The following COL6A6 variants were observed in gnomAD, a reference collection of about 807,000 sequenced individuals.
The protein encoded by COL6A6 is collagen alpha-6(VI) chain.
In COL6A6, 183 loss-of-function variants were observed where a neutral mutation model predicts 208.6. The ratio of observed to expected loss-of-function variants is 0.88; its 90% CI spans 0.78 to 0.99. The LOEUF (loss-of-function observed/expected upper bound fraction) is 0.99, where lower values mean the gene tolerates loss of function less well. Ranked by LOEUF, COL6A6 falls within the 50% of genes least tolerant of loss-of-function variation. The probability of loss-of-function intolerance (pLI) is 0.00; values close to 1 mark genes in which losing one functional copy is unlikely to be tolerated. For missense variants in COL6A6, 2,816 were observed against 2,815.2 expected (o/e 1.00, Z -0.01); for synonymous variants, 973 against 1,011.8 (o/e 0.96, Z 0.73).
chr3:130,664,566 G>A (rs1326448884), intron 35 of COL6A6, among the ~76,000 whole-genome samples: 2 of 152,144 alleles, frequency 1.3e-5, no homozygotes, highest in Non-Finnish European at 2.9e-5. Flanking sequence ...CTAATGAACT[G>A]AACCCAAGAT....
chr3:130,517,865 T>C lies in COL6A6; in HGVS notation c.-32+468T>C, dbSNP rs1297336580. 2.6e-5 allele frequency among the ~76,000 whole-genome samples: 4 copies of C among 152,248 alleles called. No homozygotes were observed. In the South Asian group the frequency reaches 6.2e-4, roughly 24 times the overall value. On this transcript the variant is annotated intron_variant, in intron 1 of 36. Coordinates refer to ENST00000358511, the MANE Select transcript of COL6A6 (RefSeq NM_001102608.3). ...ACATTCCCAGTCTGTACTTTTGTTC[T>C]TGCACTTCACACAAATTTATTAAAG...
At chr3:130,638,707 TTCCA>T (rs59523727) in intron 28 of COL6A6, among the ~76,000 whole-genome samples, 55,857 of 152,128 alleles carry the variant, frequency 0.37, 13,414 homozygotes, top group African/African-American at 0.66. Flanking sequence ...GGATTGGATA[TTCCA>T]ACAGTTCTGG....
chr3:130,607,155 A>C (rs1000830275), intron 21 of COL6A6, among the ~76,000 whole-genome samples, 189 bp downstream of exon 21: 3 of 152,362 alleles, frequency 2.0e-5, no homozygotes, highest in East Asian at 3.9e-4. Context: ...ACTTTGGTCA[A>C]AAACCATAAA....
intron 33 of COL6A6, among the ~76,000 whole-genome samples, chr3:130,654,520 ACT>A (rs2065735009): frequency 6.6e-6 from 1 of 152,198 alleles, no homozygotes; most frequent in African/African-American, 2.4e-5. Context: ...AGTCAAGACT[ACT>A]TTGTTTACAG....
chr3:130,641,827 C>A, intron 29 of COL6A6, 113 bp downstream of exon 29: 2 of 522,074 alleles, frequency 3.8e-6, no homozygotes, highest in Non-Finnish European at 3.4e-6. Context: ...TGCTTCTTGG[C>A]CACTTTTTTC....
chr3:130,591,150 AT>A lies in COL6A6; in HGVS notation c.4272+59del, dbSNP rs933414142. The A allele has an allele frequency of 4.7e-6, 6 of 1,277,612 alleles. No homozygotes were observed. The African/African-American group carries it at 8.9e-5, about 19-fold the overall frequency. 79.1% of individuals were successfully genotyped at this position (1,277,612 alleles called of 1,614,324 possible). On this transcript the variant is annotated intron_variant, in intron 13 of 36. Coordinates refer to ENST00000358511, the MANE Select transcript of COL6A6 (RefSeq NM_001102608.3). ...ATCCCTAAAAACATCTACAATATGAATTTCCTTGAGTCAATTCAGGGGGAAG... is the reference window on the plus strand; with the variant it reads ...ATCCCTAAAAACATCTACAATATGAATTCCTTGAGTCAATTCAGGGGGAAG...
intron 36 of COL6A6, among the ~76,000 whole-genome samples, chr3:130,666,205 G>A (rs1252642938): frequency 6.6e-6 from 1 of 152,114 alleles, no homozygotes; most frequent in African/African-American, 2.4e-5. Flanking sequence ...ATCTTAATTC[G>A]ATCCAAGATT....
intron 33 of COL6A6, among the ~76,000 whole-genome samples, chr3:130,649,837 C>G (rs1576397439): frequency 1.3e-5 from 2 of 152,282 alleles, no homozygotes; most frequent in South Asian, 4.1e-4. Context: ...GAAGTTAAGC[C>G]ACTTTTCACG....
At chr3:130,651,805 T>C (rs1027101551) in intron 33 of COL6A6, among the ~76,000 whole-genome samples, 1 of 152,238 alleles carries the variant, frequency 6.6e-6, no homozygotes. Flanking sequence ...AATTGTGATA[T>C]AAACTTAAAC....
chr3:130,601,536 A>G (rs1028461890), intron 20 of COL6A6, among the ~76,000 whole-genome samples: 1 of 152,220 alleles, frequency 6.6e-6, no homozygotes, highest in Non-Finnish European at 1.5e-5. Flanking sequence ...TTTTCAACTT[A>G]AAGAATATCA....
intron 26 of COL6A6, 125 bp downstream of exon 26, chr3:130,627,494 T>A: frequency 1.3e-6 from 1 of 773,560 alleles, no homozygotes; most frequent in Non-Finnish European, 2.2e-6. Context: ...GAAATATATT[T>A]CAGTAATTTA....
At chr3:130,546,344 G>T (rs1361927407) in intron 1 of COL6A6, among the ~76,000 whole-genome samples, 5 of 152,104 alleles carry the variant, frequency 3.3e-5, no homozygotes, top group Admixed American at 6.5e-5. Context: ...ATTCCTCCCA[G>T]TGGGTTCGTG....
intron 23 of COL6A6, among the ~76,000 whole-genome samples, chr3:130,618,182 A>T (rs576850482): frequency 3.9e-5 from 6 of 152,330 alleles, no homozygotes; most frequent in Admixed American, 3.3e-4. Context: ...CAAGGGCCTC[A>T]GAGCAGCAGG....
At chr3:130,544,337 A>G (rs140449880) in intron 1 of COL6A6, among the ~76,000 whole-genome samples, 32 of 152,152 alleles carry the variant, frequency 2.1e-4, no homozygotes, top group African/African-American at 6.7e-4. Flanking sequence ...AAATGGGAGG[A>G]TATCCTTTTT....
At chr3:130,534,410 GCTTATTT>G (rs2062177654) in intron 1 of COL6A6, among the ~76,000 whole-genome samples, 1 of 152,036 alleles carries the variant, frequency 6.6e-6, no homozygotes, top group Non-Finnish European at 1.5e-5. Context: ...CCTTATAGTA[GCTTATTT>G]CTTATTTATG....
chr3:130,541,332 T>G (rs970966763), intron 1 of COL6A6, among the ~76,000 whole-genome samples: 8 of 152,232 alleles, frequency 5.3e-5, no homozygotes, highest in African/African-American at 1.2e-4. Context: ...TTGATAGTTT[T>G]TAGTGCTGAA....
intron 1 of COL6A6, among the ~76,000 whole-genome samples, chr3:130,543,733 A>C (rs1230540734): frequency 6.6e-6 from 1 of 152,154 alleles, no homozygotes; most frequent in Non-Finnish European, 1.5e-5. Context: ...CATTATTGCT[A>C]TTTTCATCTG....
At position 130,634,620 on chromosome 3, in the gene COL6A6, C is replaced by T; in HGVS notation, c.5023C>T (p.Pro1675Ser). The T allele has an allele frequency of 6.2e-7, 1 of 1,607,042 alleles. No individual in the cohort carries two copies. The highest frequency in any genetic ancestry group is 2.2e-5 in the East Asian group (1 of 44,730). ...GQEGFPGESG[P>S]KGEIGDPGGP... ...AGAAGGATTCCCTGGAGAAAGTGGA[C>T]CTAAGGTACCGTGTGCTTCCTAGTA... The change falls in exon 27 of 37, where the codon CCT becomes TCT. Residue 1675 changes from proline (P) to serine (S), a missense_variant. Pro to Ser is a moderately conservative substitution (Grantham distance 74, BLOSUM62 -1). Transcript: ENST00000358511.
In COL6A6 at chr3:130,540,805, G is replaced by A. The variant is rs528693879; in HGVS notation, c.-31-19529G>A. 2.0e-5 allele frequency among the ~76,000 whole-genome samples: 3 copies of A among 152,238 alleles called. No individual in the cohort carries two copies. The South Asian group carries it at 6.2e-4, about 32-fold the overall frequency. ...AGTTTGCTGAGGATAGTGACTTCCA[G>A]CTTCATCCATTTCCCTGTAAAGGAT... is the stretch of plus-strand genomic sequence containing the variant. On this transcript the variant is annotated intron_variant, in intron 1 of 36. Transcript: ENST00000358511.
Sources: allele counts gnomAD v4.1 joint callset (sites outside exome capture counted in the v4.1 genomes callset), GRCh38; gene constraint gnomAD v4.1.1; transcripts MANE v1.5; gene names NCBI Gene and HGNC (gene_info 2026-07-23, HGNC 2026-07-21).